Variants in ZNF280D observed in about 807,000 individuals in gnomAD.
ZNF280D encodes the protein zinc finger protein 280D.
Under a neutral mutation model 94.7 loss-of-function variants are expected in ZNF280D, and 39 were observed. The ratio of observed to expected loss-of-function variants is 0.41; its 90% CI spans 0.32 to 0.54. ZNF280D has a LOEUF of 0.54. Among genes scored for constraint, ZNF280D ranks in the 20% least tolerant of loss-of-function variants. The pLI is 0.22. For missense variants in ZNF280D, 1,090 were observed against 1,149.3 expected (o/e 0.95, Z 0.75); for synonymous variants, 398 against 377.6 (o/e 1.05, Z -0.63).
intron 16 of ZNF280D, among the ~76,000 whole-genome samples, chr15:56,659,904 G>GAA (rs571524824): frequency 7.0e-6 from 1 of 143,044 alleles, no homozygotes; most frequent in Admixed American, 7.6e-5. Flanking sequence ...GGAAAAAAAG[G>GAA]AAAAAAAAAA....
chr15:56,717,006 A>G (rs1319487201), intron 1 of ZNF280D, among the ~76,000 whole-genome samples: 2 of 152,076 alleles, frequency 1.3e-5, no homozygotes, highest in African/African-American at 4.8e-5. Flanking sequence ...ACCATCTTCA[A>G]TATTGAAACC....
chr15:56,649,725 G>A (rs1450280192), intron 19 of ZNF280D, among the ~76,000 whole-genome samples: 1 of 151,748 alleles, frequency 6.6e-6, no homozygotes, highest in Non-Finnish European at 1.5e-5. Context: ...ATTCCTCCAA[G>A]TAAGTTCAAA....
At chr15:56,723,915 A>AC (rs1316245620) in intron 1 of ZNF280D, among the ~76,000 whole-genome samples, 2 of 152,194 alleles carry the variant, frequency 1.3e-5, no homozygotes, top group Non-Finnish European at 2.9e-5. Flanking sequence ...AGTCTAACTT[A>AC]CCTTAAACGT....
rs779237046 is a variant in ZNF280D at position 56,711,756 on chromosome 15, C to T, written c.-85-4450G>A. Among the ~76,000 whole-genome samples, 67 of 152,324 alleles carry T rather than the reference C, an allele frequency of 4.4e-4. 1 individual carries two copies. The highest frequency in any genetic ancestry group is 1.3e-3 in the Admixed American group (20 of 15,298). ...TTTAGAAATCATTTTGTTTTATGGTCATGCATCACTTAACAACAGGGATAA... is the reference window on the plus strand; with the variant it reads ...TTTAGAAATCATTTTGTTTTATGGTTATGCATCACTTAACAACAGGGATAA... On this transcript the variant is annotated intron_variant, in intron 1 of 21. Transcript: ENST00000267807.
intron 13 of ZNF280D, 149 bp from the exon 14 acceptor site, chr15:56,669,106 T>A: frequency 1.4e-6 from 1 of 706,514 alleles, no homozygotes; most frequent in Non-Finnish European, 2.2e-6. Flanking sequence ...ATAAAATGCC[T>A]CATTTTTTAA....
At position 56,693,115 on chromosome 15, in the gene ZNF280D, G is replaced by A; in HGVS notation, c.482C>T (p.Pro161Leu). The change falls in exon 7 of 22, where the codon CCA becomes CTA. Residue 161 changes from proline (P) to leucine (L), a missense_variant. Pro to Leu is a moderately conservative substitution (Grantham distance 98). This residue lies in a region of ZNF280D where 386 missense variants were observed against 372.0 expected (regional missense o/e 1.04). Coordinates refer to ENST00000267807, the MANE Select transcript of ZNF280D (RefSeq NM_017661.4). ...DTGLSHYQGG[P>L]TLSMAGMSES... ...AAACCAACCTGCCATAGAAAGTGTTGGTCCCCCTTGGTAATGTGATAATCC... is the reference window on the plus strand; with the variant it reads ...AAACCAACCTGCCATAGAAAGTGTTAGTCCCCCTTGGTAATGTGATAATCC... 1 of 1,601,294 alleles carries A rather than the reference G, an allele frequency of 6.2e-7. No homozygotes were observed. Among genetic ancestry groups the A allele is most frequent in the African/African-American group, 1.3e-5 (1 of 74,522 alleles).
At chr15:56,671,809 A>G (rs182597391) in intron 13 of ZNF280D, among the ~76,000 whole-genome samples, 6 of 152,304 alleles carry the variant, frequency 3.9e-5, no homozygotes, top group Non-Finnish European at 8.8e-5. Flanking sequence ...ATCCATGAGC[A>G]TGGAATGTTT....
chr15:56,693,187 A>G lies in ZNF280D; in HGVS notation c.410T>C (p.Val137Ala), dbSNP rs760152122. The change falls in exon 7 of 22, where the codon GTG becomes GCG. Residue 137 changes from valine to alanine, a missense_variant. Physicochemically the swap from Val to Ala is moderately conservative, Grantham distance 64. Coordinates refer to ENST00000267807, the MANE Select transcript of ZNF280D (RefSeq NM_017661.4). ...PGYITNSSRV[V>A]SNKSSELLFD... Reference sequence around the variant, plus strand: ...CAGTAACTCTGATGACTTATTAGACACAACTCGTGATGAGTTTGTTATATA... The same window carrying G: ...CAGTAACTCTGATGACTTATTAGACGCAACTCGTGATGAGTTTGTTATATA... The G allele has an allele frequency of 1.0e-5, 16 of 1,595,778 alleles. No individual in the cohort carries two copies. Among genetic ancestry groups the G allele is most frequent in the Non-Finnish European group, 1.4e-5 (16 of 1,172,008 alleles).
intron 1 of ZNF280D, among the ~76,000 whole-genome samples, chr15:56,708,614 A>G (rs2057558611): frequency 6.6e-6 from 1 of 152,218 alleles, no homozygotes; most frequent in South Asian, 2.1e-4. Flanking sequence ...ACTATACTAC[A>G]AGGCTACAGT....
At chr15:56,667,791 CCTCT>C (rs1434247507) in intron 14 of ZNF280D, among the ~76,000 whole-genome samples, 1 of 152,078 alleles carries the variant, frequency 6.6e-6, no homozygotes, top group African/African-American at 2.4e-5. Context: ...AGGAACTTAT[CCTCT>C]CTATGCTTCT....
chr15:56,720,944 A>G (rs1006551952), intron 1 of ZNF280D, among the ~76,000 whole-genome samples: 1 of 121,706 alleles, frequency 8.2e-6, no homozygotes, highest in Non-Finnish European at 1.6e-5. Flanking sequence ...TTTAAAGCAT[A>G]GGCAGAGTAG....
At chr15:56,652,010 G>A (rs191056349) in intron 19 of ZNF280D, among the ~76,000 whole-genome samples, 65 of 150,834 alleles carry the variant, frequency 4.3e-4, no homozygotes, top group Admixed American at 4.0e-3. Flanking sequence ...GGTAGAGAGA[G>A]GAGATAACAA....
intron 4 of ZNF280D, among the ~76,000 whole-genome samples, chr15:56,702,903 G>C: frequency 7.9e-6 from 1 of 126,944 alleles, no homozygotes; most frequent in Non-Finnish European, 1.6e-5. Context: ...CACTACCATG[G>C]TAAGTAAACA....
rs369006624 is a variant in ZNF280D at position 56,642,303 on chromosome 15, T to C, written c.2259+649A>G. On this transcript the variant is annotated intron_variant, in intron 20 of 21. Coordinates refer to ENST00000267807, the MANE Select transcript of ZNF280D (RefSeq NM_017661.4). Reference sequence around the variant, plus strand: ...GATACTTCTGCCTGGATTTCACTTATATTATGCGCCATTCAAGACAAAGTA... The same window carrying C: ...GATACTTCTGCCTGGATTTCACTTACATTATGCGCCATTCAAGACAAAGTA... Among the ~76,000 whole-genome samples, 133 of 151,904 alleles carry C rather than the reference T, an allele frequency of 8.8e-4. 1 individual carries two copies. The South Asian group carries it at 9.1e-3, about 10-fold the overall frequency.
At chr15:56,684,135 G>T (rs1194974471) in intron 9 of ZNF280D, among the ~76,000 whole-genome samples, 1 of 152,162 alleles carries the variant, frequency 6.6e-6, no homozygotes, top group Non-Finnish European at 1.5e-5. Context: ...AGACACACAA[G>T]TCACAATTGC....
chr15:56,678,305 C>T (rs1223215285), intron 11 of ZNF280D, among the ~76,000 whole-genome samples: 3 of 152,150 alleles, frequency 2.0e-5, no homozygotes, highest in Non-Finnish European at 4.4e-5. Context: ...AGCCACTGCA[C>T]CCCGCCTGTG....
chr15:56,669,982 TATTATA>T (rs1480941214), intron 13 of ZNF280D, among the ~76,000 whole-genome samples: 389 of 3,550 alleles, frequency 0.11, 123 homozygotes, highest in African/African-American at 0.29. Context: ...ATAATATATA[TATTATA>T]TATATATATT....
chr15:56,639,928 GGGA>G (rs1450049041), intron 20 of ZNF280D, among the ~76,000 whole-genome samples: 2 of 152,020 alleles, frequency 1.3e-5, no homozygotes, highest in East Asian at 1.9e-4. Flanking sequence ...CGGGGAGTCT[GGGA>G]GGAGATCTTC....
chr15:56,658,295 A>T lies in ZNF280D; in HGVS notation c.2057+129T>A, dbSNP rs2140741168. 1.1e-5 allele frequency: 7 copies of T among 659,430 alleles called. No homozygotes were observed. The East Asian group carries it at 2.2e-4, about 20-fold the overall frequency. The allele number at this position is 659,430 out of a possible 1,614,324, so 40.8% of individuals were successfully genotyped here. ...GTGATTGCTGCACAACTCTGTGAAT[A>T]TCCTAAAACCTATAAACACATAAAT... is the stretch of plus-strand genomic sequence containing the variant. On this transcript the variant is annotated intron_variant, in intron 17 of 21. Coordinates refer to ENST00000267807, the MANE Select transcript of ZNF280D (RefSeq NM_017661.4).
Sources: gnomAD v4.1 joint callset for allele counts (sites outside exome capture counted in the v4.1 genomes callset) on GRCh38, gnomAD v4.1.1 for gene constraint, gnomAD v4.1.1 regional missense constraint, MANE v1.5 for transcripts, NCBI Gene and HGNC (gene_info 2026-07-23, HGNC 2026-07-21) for gene names.